Variants in SCN11A observed in about 807,000 individuals in gnomAD.
SCN11A encodes the protein sodium channel protein type 11 subunit alpha.
Under a neutral mutation model 162.2 loss-of-function variants are expected in SCN11A, and 122 were observed. The observed-to-expected ratio is 0.75, with a 90% CI of 0.65 to 0.87. The LOEUF (loss-of-function observed/expected upper bound fraction) is 0.87. Among genes scored for constraint, SCN11A ranks in the 40% least tolerant of loss-of-function variants. SCN11A has a pLI of 0.00. For missense variants in SCN11A, 2,015 were observed against 2,181.6 expected (o/e 0.92, Z 1.52); for synonymous variants, 758 against 751.5 (o/e 1.01, Z -0.14).
At chr3:38,905,558 A>T (rs969169119) in intron 14 of SCN11A, among the ~76,000 whole-genome samples, 1 of 152,226 alleles carries the variant, frequency 6.6e-6, no homozygotes, top group Non-Finnish European at 1.5e-5. Flanking sequence ...CTAGAGTCCT[A>T]CCTACAGACA....
At chr3:38,963,455 TATATATATATATGATGGAG>T (rs1559558402) in intron 2 of SCN11A, among the ~76,000 whole-genome samples, 6 of 125,132 alleles carry the variant, frequency 4.8e-5, no homozygotes, top group South Asian at 5.0e-4. Flanking sequence ...GATGGAGATA[TATATATATATATGATGGAG>T]ATATATATAT....
intron 5 of SCN11A, among the ~76,000 whole-genome samples, chr3:38,948,331 T>C (rs1171749005): frequency 6.6e-6 from 1 of 152,228 alleles, no homozygotes; most frequent in Non-Finnish European, 1.5e-5. Context: ...TGCCTCTTCT[T>C]ACTGCTTTAA....
At chr3:38,990,675 A>G (rs2030423613) in intron 2 of SCN11A, among the ~76,000 whole-genome samples, 1 of 152,188 alleles carries the variant, frequency 6.6e-6, no homozygotes, top group Admixed American at 6.5e-5. Context: ...CAAGCCCTTT[A>G]TATACTTTAA....
rs778422337 is a variant in SCN11A at position 38,921,229 on chromosome 3, G to C, written c.739C>G (p.Leu247Val). The change falls in exon 10 of 30, where the codon CTA becomes GTA. Residue 247 changes from leucine (L) to valine (V), a missense_variant. By Grantham distance (32) the Leu-to-Val change is conservative. Coordinates refer to ENST00000302328, the MANE Select transcript of SCN11A (RefSeq NM_001349253.2). ...SRLKVIVGAL[L>V]RSVKKLVNVI... Reference sequence around the variant, plus strand: ...TTGACCAGCTTCTTCACAGAGCGTAGCAAGGCCCCCACGATGACCTTCAGA... The same window carrying C: ...TTGACCAGCTTCTTCACAGAGCGTACCAAGGCCCCCACGATGACCTTCAGA... 6.2e-7 allele frequency: 1 copy of C among 1,614,050 alleles called. No homozygotes were observed. Among genetic ancestry groups the C allele is most frequent in the South Asian group, 1.1e-5 (1 of 91,080 alleles).
chr3:38,954,990 AAAAAG>A (rs990682830), intron 3 of SCN11A, among the ~76,000 whole-genome samples: 16 of 152,294 alleles, frequency 1.1e-4, no homozygotes, highest in African/African-American at 3.6e-4. Context: ...TCTGTCTCAA[AAAAAG>A]AAAAGAAAAG....
Position 38,886,203 on chromosome 3 carries a change from C to G in SCN11A, c.2871G>C (p.Thr957=), listed in dbSNP as rs766452376. The G allele has an allele frequency of 1.9e-6, 3 of 1,612,934 alleles. No homozygotes were observed. The highest frequency in any genetic ancestry group is 2.5e-6 in the Non-Finnish European group (3 of 1,179,842). ...YELHQENKKP[T]SQRVQSVEID... is the part of the protein sequence containing the mutation. ...TTTCCACACTTTGAACTCTCTGGCT[C>G]GTGGGCTTCTTGTTCTCCTGATGGA... The change falls in exon 20 of 30, where the codon ACG becomes ACC. Residue 957 remains threonine (T), a synonymous_variant. Transcript: ENST00000302328.
rs117278406 is a variant in SCN11A at position 38,915,322 on chromosome 3, G to A, written c.959+4613C>T. Among the ~76,000 whole-genome samples the A allele has an allele frequency of 2.8e-3, 424 of 151,942 alleles. 11 individuals carry two copies. The East Asian group carries it at 0.047, about 17-fold the overall frequency. On this transcript the variant is annotated intron_variant, in intron 11 of 29. Coordinates refer to ENST00000302328, the MANE Select transcript of SCN11A (RefSeq NM_001349253.2). ...CATCCCCTTTGTTATTTCTAATTGT[G>A]TTTATTTGGATTTCCTTATTTTTTG...
chr3:38,887,696 A>C (rs1053698233), intron 19 of SCN11A, among the ~76,000 whole-genome samples: 3 of 152,200 alleles, frequency 2.0e-5, no homozygotes, highest in African/African-American at 7.2e-5. Context: ...GGCACAGATA[A>C]TAAGAGAATA....
intron 16 of SCN11A, among the ~76,000 whole-genome samples, chr3:38,902,930 C>T (rs76421602): frequency 0.016 from 2,417 of 151,790 alleles, 68 homozygotes; most frequent in African/African-American, 0.056. Flanking sequence ...AATACATACA[C>T]ACATACATAC....
At chr3:38,848,089 C>T (rs908000950) in intron 29 of SCN11A, among the ~76,000 whole-genome samples, 2 of 152,152 alleles carry the variant, frequency 1.3e-5, no homozygotes, top group Admixed American at 6.6e-5. Context: ...GCTGAAGCTG[C>T]CCATGGATCT....
At chr3:38,921,773 C>T (rs1239190778) in intron 9 of SCN11A, among the ~76,000 whole-genome samples, 2 of 152,126 alleles carry the variant, frequency 1.3e-5, no homozygotes, top group African/African-American at 4.8e-5. Flanking sequence ...CTCAGATTAC[C>T]AGTTAGAATA....
At position 38,871,450 on chromosome 3, in the gene SCN11A, G is replaced by T; in HGVS notation, c.3754C>A (p.Gln1252Lys). ...AACATACTGACTGTACTTACCACTT[G>T]CAGCAGAGCGAGGTAAGCATTTCCC... is the stretch of plus-strand genomic sequence containing the variant. ...NVGNAYLALL[Q>K]VATFKGWMDI... The change falls in exon 25 of 30, where the codon CAA (glutamine) becomes AAA (lysine). Residue 1252 changes from glutamine to lysine, a missense_variant. Coordinates refer to ENST00000302328, the MANE Select transcript of SCN11A (RefSeq NM_001349253.2). 2 of 1,602,628 alleles carry T rather than the reference G, an allele frequency of 1.2e-6. No homozygotes were observed. The highest frequency in any genetic ancestry group is 1.7e-6 in the Non-Finnish European group (2 of 1,175,114).
intron 7 of SCN11A, among the ~76,000 whole-genome samples, chr3:38,928,840 T>C (rs2066186719): frequency 6.6e-6 from 1 of 152,096 alleles, no homozygotes; most frequent in South Asian, 2.1e-4. Flanking sequence ...GTTGATGAGA[T>C]TGTAAAATGG....
intron 1 of SCN11A, among the ~76,000 whole-genome samples, chr3:39,048,582 C>T (rs1403147361): frequency 1.3e-5 from 2 of 151,958 alleles, no homozygotes; most frequent in Admixed American, 6.6e-5. Context: ...CACACTGTAC[C>T]CCATATATAT....
At chr3:38,864,775 C>T (rs1408844994) in intron 27 of SCN11A, among the ~76,000 whole-genome samples, 4 of 152,124 alleles carry the variant, frequency 2.6e-5, no homozygotes, top group South Asian at 2.1e-4. Context: ...AAACTTGGAA[C>T]ATCGTGGCAT....
chr3:39,001,683 T>C (rs944003062), intron 2 of SCN11A, among the ~76,000 whole-genome samples: 18 of 152,034 alleles, frequency 1.2e-4, no homozygotes, highest in African/African-American at 3.9e-4. Context: ...TATGTAGCTA[T>C]CTAGTTGTTA....
chr3:38,901,964 G>A (rs995434469), intron 16 of SCN11A, among the ~76,000 whole-genome samples: 1 of 152,158 alleles, frequency 6.6e-6, no homozygotes, highest in Non-Finnish European at 1.5e-5. Flanking sequence ...GCAAAATGTA[G>A]CTTCACCTCC....
intron 2 of SCN11A, among the ~76,000 whole-genome samples, chr3:38,963,393 G>GAT (rs765572967): frequency 0.033 from 1,852 of 56,198 alleles, 63 homozygotes; most frequent in Non-Finnish European, 0.047. Context: ...ATATGATGGA[G>GAT]ATATATATAT....
intron 7 of SCN11A, among the ~76,000 whole-genome samples, chr3:38,931,513 A>G (rs900976621): frequency 1.3e-5 from 2 of 152,216 alleles, no homozygotes; most frequent in Non-Finnish European, 2.9e-5. Context: ...TGCCTTCCCA[A>G]ATTCCCATTT....
Sources: allele counts gnomAD v4.1 joint callset (sites outside exome capture counted in the v4.1 genomes callset), GRCh38; gene constraint gnomAD v4.1.1; transcripts MANE v1.5; gene names NCBI Gene and HGNC (gene_info 2026-07-23, HGNC 2026-07-21).